The following FRMD4A variants were observed in gnomAD, a reference collection of about 807,000 sequenced individuals.
FRMD4A encodes the protein FERM domain-containing protein 4A.
Under a neutral mutation model 129.1 loss-of-function variants are expected in FRMD4A, and 29 were observed. The observed-to-expected ratio is 0.22, with a 90% CI of 0.17 to 0.31. The LOEUF is 0.31. Among genes scored for constraint, FRMD4A ranks in the 10% least tolerant of loss-of-function variants. The probability of loss-of-function intolerance (pLI) is 1.00; values close to 1 mark genes in which losing one functional copy is unlikely to be tolerated. For synonymous variants in FRMD4A, 634 were observed against 571.6 expected (o/e 1.11, Z -1.56); for missense variants, 1,272 against 1,375.8 (o/e 0.92, Z 1.19).
chr10:13,951,929 T>TAATAATAATAATAA (rs1554984653), intron 2 of FRMD4A, among the ~76,000 whole-genome samples: 2 of 145,966 alleles, frequency 1.4e-5, no homozygotes, highest in Non-Finnish European at 1.5e-5. Context: ...ATAATAATAA[T>TAATAATAATAATAA]AAACAATCTA....
chr10:13,736,459 T>G (rs948227310), intron 12 of FRMD4A, among the ~76,000 whole-genome samples: 1 of 152,250 alleles, frequency 6.6e-6, no homozygotes, highest in South Asian at 2.1e-4. Context: ...AGAGCCAGGT[T>G]CTTCCTGAAT....
At chr10:13,684,892 A>C (rs2084936490) in intron 15 of FRMD4A, 1 of 984,074 alleles carries the variant, frequency 1.0e-6, no homozygotes, top group African/African-American at 1.7e-5. Flanking sequence ...AAAAATGAAG[A>C]AGGCGGTATA....
At chr10:13,685,222 G>C in intron 15 of FRMD4A, 1 of 984,188 alleles carries the variant, frequency 1.0e-6, no homozygotes, top group Non-Finnish European at 1.2e-6. Context: ...TCATTTCAGA[G>C]AGCATTGAAA....
intron 2 of FRMD4A, among the ~76,000 whole-genome samples, chr10:14,287,104 T>G (rs747341781): frequency 1.3e-5 from 2 of 149,834 alleles, no homozygotes; most frequent in Non-Finnish European, 3.0e-5. Context: ...TGTCCCAATA[T>G]TTCTTCTTGC....
intron 2 of FRMD4A, among the ~76,000 whole-genome samples, chr10:13,956,378 C>G (rs769655361): frequency 6.6e-5 from 10 of 152,218 alleles, no homozygotes; most frequent in Non-Finnish European, 1.3e-4. Flanking sequence ...TCTTGAACTC[C>G]TGACCTCAAG....
intron 14 of FRMD4A, among the ~76,000 whole-genome samples, chr10:13,698,155 C>T (rs2086415885): frequency 1.3e-5 from 2 of 151,990 alleles, no homozygotes. Flanking sequence ...TGCACAGTGA[C>T]CCTGAAAGAA....
chr10:13,671,704 A>C (rs2083524246), intron 16 of FRMD4A, among the ~76,000 whole-genome samples: 1 of 152,214 alleles, frequency 6.6e-6, no homozygotes, highest in Non-Finnish European at 1.5e-5. Context: ...ACAATGATCA[A>C]ATCAGAGTCA....
intron 2 of FRMD4A, among the ~76,000 whole-genome samples, chr10:14,260,327 C>T (rs1048643490): frequency 1.3e-5 from 2 of 152,112 alleles, no homozygotes; most frequent in African/African-American, 4.8e-5. Context: ...TTTTAGTTCC[C>T]ACAAGCAAAA....
At chr10:14,232,984 G>T (rs1170593109) in intron 2 of FRMD4A, among the ~76,000 whole-genome samples, 1 of 151,696 alleles carries the variant, frequency 6.6e-6, no homozygotes, top group Non-Finnish European at 1.5e-5. Flanking sequence ...TTGTAGAGTA[G>T]GAAAAAAAAA....
intron 2 of FRMD4A, among the ~76,000 whole-genome samples, chr10:14,283,840 T>A (rs1248301464): frequency 1.3e-5 from 2 of 152,208 alleles, no homozygotes; most frequent in Non-Finnish European, 2.9e-5. Context: ...TATCTATCCT[T>A]CATTCAGATT....
At chr10:13,684,201 T>C (rs1245096557) in intron 15 of FRMD4A, 2 of 408,728 alleles carry the variant, frequency 4.9e-6, no homozygotes, top group Non-Finnish European at 6.6e-6. Context: ...ATTTCAATCC[T>C]AATCCAAAGG....
chr10:14,068,963 G>T (rs1835191751), intron 2 of FRMD4A, among the ~76,000 whole-genome samples: 1 of 150,422 alleles, frequency 6.6e-6, no homozygotes, highest in African/African-American at 2.5e-5. Flanking sequence ...TGTTTTGTGG[G>T]TATATTCTTC....
intron 6 of FRMD4A, among the ~76,000 whole-genome samples, chr10:13,768,316 G>A (rs879512327): frequency 3.3e-5 from 5 of 152,162 alleles, no homozygotes; most frequent in Non-Finnish European, 7.4e-5. Context: ...CAGGTGTTAC[G>A]GATGTTCTCC....
In FRMD4A at chr10:13,654,479, G is replaced by T. The variant is rs199934183; in HGVS notation, c.2987C>A (p.Pro996Gln). ...GGGGGTGGCTCCAATTTCACTTGAC[G>T]GTGTCGAGCTTCTCTGGCTTTGAGG... Reference protein sequence around the residue: ...ALPQSQRSSTPSSEIGATPPS... With the variant: ...ALPQSQRSSTQSSEIGATPPS... Residue 996 changes from proline (P) to glutamine (Q), a missense_variant, in exon 23 of 25, where the codon CCG (proline) becomes CAG (glutamine). Coordinates refer to ENST00000357447, the MANE Select transcript of FRMD4A (RefSeq NM_018027.5). The T allele has an allele frequency of 9.3e-5, 150 of 1,613,664 alleles. No homozygotes were observed. Among genetic ancestry groups the T allele is most frequent in the Admixed American group, 3.0e-4 (18 of 60,004 alleles).
At chr10:14,131,734 G>C (rs1177379473) in intron 2 of FRMD4A, among the ~76,000 whole-genome samples, 1 of 152,088 alleles carries the variant, frequency 6.6e-6, no homozygotes, top group Non-Finnish European at 1.5e-5. Flanking sequence ...GATGAATAAG[G>C]TCATTTTCTG....
chr10:13,942,362 C>G (rs2027553), intron 2 of FRMD4A, among the ~76,000 whole-genome samples: 105,582 of 151,940 alleles, frequency 0.69, 37,503 homozygotes, highest in East Asian at 0.94. Context: ...GGGGGCTGAG[C>G]TCTGTGAACA....
At chr10:14,173,577 G>C (rs1841583981) in intron 2 of FRMD4A, among the ~76,000 whole-genome samples, 5 of 152,016 alleles carry the variant, frequency 3.3e-5, no homozygotes, top group Admixed American at 1.3e-4. Flanking sequence ...GGAGGAAGAG[G>C]AAGAGGAAAG....
intron 2 of FRMD4A, among the ~76,000 whole-genome samples, chr10:14,270,854 C>G (rs944384019): frequency 6.6e-6 from 1 of 152,224 alleles, no homozygotes; most frequent in Non-Finnish European, 1.5e-5. Flanking sequence ...ATACTAAACA[C>G]TTAGATAGAT....
At chr10:13,775,305 C>A (rs760751106) in intron 6 of FRMD4A, among the ~76,000 whole-genome samples, 1 of 152,206 alleles carries the variant, frequency 6.6e-6, no homozygotes, top group Non-Finnish European at 1.5e-5. Flanking sequence ...AATTTTAGAT[C>A]AGAAGGAGCA....
Sources: gnomAD v4.1 joint callset for allele counts (sites outside exome capture counted in the v4.1 genomes callset) on GRCh38, gnomAD v4.1.1 for gene constraint, MANE v1.5 for transcripts, NCBI Gene and HGNC (gene_info 2026-07-23, HGNC 2026-07-21) for gene names.